FHIT: variants seen among roughly 807,000 people sequenced by gnomAD.
FHIT encodes the protein bis(5'-adenosyl)-triphosphatase.
Under a neutral mutation model 17.9 loss-of-function variants are expected in FHIT, and 19 were observed. The ratio of observed to expected loss-of-function variants is 1.06; its 90% CI spans 0.74 to 1.56. The LOEUF (loss-of-function observed/expected upper bound fraction) is 1.56, where lower values mean the gene tolerates loss of function less well. Among genes scored for constraint, FHIT ranks in the 40% most tolerant of loss-of-function variants. The pLI, the probability that FHIT is intolerant of heterozygous loss-of-function variation, is 0.00. For missense variants in FHIT, 248 were observed against 189.2 expected (o/e 1.31, Z -1.82); for synonymous variants, 81 against 69.7 (o/e 1.16, Z -0.81).
chr3:59,776,281 C>T (rs1215549634), intron 8 of FHIT, among the ~76,000 whole-genome samples: 2 of 152,206 alleles, frequency 1.3e-5, no homozygotes, highest in African/African-American at 4.8e-5. Context: ...GTGGCTTGCA[C>T]GTATTTCCAG....
chr3:61,128,520 C>G (rs1440752822), intron 2 of FHIT, among the ~76,000 whole-genome samples: 1 of 152,120 alleles, frequency 6.6e-6, no homozygotes, highest in African/African-American at 2.4e-5. Flanking sequence ...GCGCTTCCGT[C>G]AGCTACACAG....
chr3:60,784,760 G>T (rs2108104305), intron 4 of FHIT, among the ~76,000 whole-genome samples: 1 of 152,324 alleles, frequency 6.6e-6, no homozygotes, highest in Non-Finnish European at 1.5e-5. Flanking sequence ...GTGATGGCAT[G>T]AGGAAGTAGG....
intron 7 of FHIT, among the ~76,000 whole-genome samples, chr3:59,988,076 C>A (rs531392512): frequency 6.6e-6 from 1 of 151,958 alleles, no homozygotes; most frequent in Non-Finnish European, 1.5e-5. Context: ...ATAGGGAATG[C>A]GTATCAGCTT....
At chr3:61,093,274 T>C (rs1210921763) in intron 2 of FHIT, among the ~76,000 whole-genome samples, 1 of 152,052 alleles carries the variant, frequency 6.6e-6, no homozygotes, top group Non-Finnish European at 1.5e-5. Context: ...TGAGAAAGCA[T>C]ACAAAAGAGC....
At chr3:60,199,230 C>G (rs547011538) in intron 5 of FHIT, among the ~76,000 whole-genome samples, 1 of 152,238 alleles carries the variant, frequency 6.6e-6, no homozygotes, top group South Asian at 2.1e-4. Context: ...AGTAGAGCAG[C>G]CTGAGAACAT....
chr3:59,995,821 T>C (rs754786798), intron 7 of FHIT, among the ~76,000 whole-genome samples: 15 of 152,038 alleles, frequency 9.9e-5, no homozygotes, highest in Non-Finnish European at 1.8e-4. Context: ...TTAGATAGCT[T>C]AGGAAACCAA....
intron 4 of FHIT, among the ~76,000 whole-genome samples, chr3:60,657,920 C>A (rs1553690076): frequency 1.3e-5 from 2 of 151,974 alleles, no homozygotes; most frequent in African/African-American, 4.8e-5. Context: ...TTATTTTTTT[C>A]CAATTTTTTT....
At chr3:60,055,584 A>G (rs951178169) in intron 5 of FHIT, among the ~76,000 whole-genome samples, 3 of 152,170 alleles carry the variant, frequency 2.0e-5, no homozygotes, top group African/African-American at 7.2e-5. Context: ...AACAATGAAG[A>G]AAGAAGAGAG....
At chr3:60,502,753 A>G (rs1299157695) in intron 5 of FHIT, among the ~76,000 whole-genome samples, 1 of 152,224 alleles carries the variant, frequency 6.6e-6, no homozygotes, top group Non-Finnish European at 1.5e-5. Flanking sequence ...CACTATGACT[A>G]TAGTAAAAGC....
intron 3 of FHIT, among the ~76,000 whole-genome samples, chr3:60,828,307 T>C (rs1418959604): frequency 1.3e-5 from 2 of 152,078 alleles, no homozygotes; most frequent in Non-Finnish European, 2.9e-5. Context: ...ATTATATATG[T>C]CATCATTATT....
chr3:60,521,413 A>G (rs1472334465), intron 5 of FHIT, among the ~76,000 whole-genome samples: 3 of 151,874 alleles, frequency 2.0e-5, no homozygotes, highest in Non-Finnish European at 4.4e-5. Context: ...ACACCCAGCT[A>G]ATTTTTTGTA....
At chr3:60,277,188 T>A (rs532170884) in intron 5 of FHIT, among the ~76,000 whole-genome samples, 4 of 152,308 alleles carry the variant, frequency 2.6e-5, no homozygotes, top group Non-Finnish European at 5.9e-5. Flanking sequence ...TGGTTTTCTC[T>A]TTTAACCATT....
rs140706888 is a variant in FHIT, at chr3:60,449,427, T to TACACACAC, written c.103+87425_103+87432dup. Among the ~76,000 whole-genome samples, 885 of 149,790 alleles carry TACACACAC rather than the reference T, an allele frequency of 5.9e-3. 4 individuals carry two copies. The highest frequency in any genetic ancestry group is 0.012 in the South Asian group (57 of 4,714). On this transcript the variant is annotated intron_variant, in intron 5 of 9. Coordinates refer to ENST00000492590, the MANE Select transcript of FHIT (RefSeq NM_002012.4). ...ATTCAAATATGACATCATATGCGCA[T>TACACACAC]ACACACACACACACACACACATATG... is the stretch of plus-strand genomic sequence containing the variant.
At chr3:59,943,275 C>G (rs1395055023) in intron 7 of FHIT, among the ~76,000 whole-genome samples, 1 of 151,868 alleles carries the variant, frequency 6.6e-6, no homozygotes, top group African/African-American at 2.4e-5. Context: ...TGCAGGTTGA[C>G]AGAGTCAATT....
At chr3:60,316,111 T>A (rs1359853022) in intron 5 of FHIT, among the ~76,000 whole-genome samples, 2 of 152,192 alleles carry the variant, frequency 1.3e-5, no homozygotes, top group African/African-American at 4.8e-5. Context: ...AAAATAGCAT[T>A]GTAATAAATA....
intron 7 of FHIT, among the ~76,000 whole-genome samples, chr3:59,962,313 G>A (rs1707724096): frequency 6.6e-6 from 1 of 152,050 alleles, no homozygotes; most frequent in Admixed American, 6.5e-5. Context: ...TATACTGCCT[G>A]TTCTCAGTTT....
intron 8 of FHIT, among the ~76,000 whole-genome samples, chr3:59,843,208 A>G (rs1701593912): frequency 1.3e-5 from 2 of 152,286 alleles, no homozygotes; most frequent in Non-Finnish European, 2.9e-5. Flanking sequence ...CTCTTGTCAA[A>G]AATCATTTGA....
chr3:59,785,517 G>A (rs1343622494), intron 8 of FHIT, among the ~76,000 whole-genome samples: 1 of 151,992 alleles, frequency 6.6e-6, no homozygotes, highest in African/African-American at 2.4e-5. Context: ...TACCATGTCG[G>A]CCAAGCTGGT....
At chr3:60,771,202 C>T (rs1179876265) in intron 4 of FHIT, among the ~76,000 whole-genome samples, 2 of 152,196 alleles carry the variant, frequency 1.3e-5, no homozygotes, top group Non-Finnish European at 2.9e-5. Flanking sequence ...ACATCTTTGG[C>T]TAAGTCAAAA....
Sources: allele counts gnomAD v4.1 joint callset (sites outside exome capture counted in the v4.1 genomes callset), GRCh38; gene constraint gnomAD v4.1.1; transcripts MANE v1.5; gene names NCBI Gene and HGNC (gene_info 2026-07-23, HGNC 2026-07-21).